Variants in CSGALNACT1 observed in about 807,000 individuals in gnomAD.
CSGALNACT1 encodes beta4GalNAcT-1.
CSGALNACT1 carries 52 observed loss-of-function variants against 51.0 expected under a neutral mutation model. The ratio of observed to expected loss-of-function variants is 1.02; its 90% CI spans 0.82 to 1.29. The LOEUF (loss-of-function observed/expected upper bound fraction) is 1.29, where lower values mean the gene tolerates loss of function less well. Among genes scored for constraint, CSGALNACT1 ranks in the 50% most tolerant of loss-of-function variants. The pLI is 0.00. For synonymous variants in CSGALNACT1, 341 were observed against 254.4 expected (o/e 1.34, Z -3.24); for missense variants, 935 against 679.2 (o/e 1.38, Z -4.19).
At chr8:19,699,753 A>AACACTG (rs1296882801) in intron 1 of CSGALNACT1, among the ~76,000 whole-genome samples, 1 of 152,204 alleles carries the variant, frequency 6.6e-6, no homozygotes. Context: ...TTGCCACTGA[A>AACACTG]TTGTACACTT....
At chr8:19,702,914 C>A (rs1034472380) in intron 1 of CSGALNACT1, among the ~76,000 whole-genome samples, 3 of 152,064 alleles carry the variant, frequency 2.0e-5, no homozygotes, top group Non-Finnish European at 4.4e-5. Flanking sequence ...TAGACCAGGG[C>A]CAATGACTAG....
At chr8:19,460,274 A>AGG (rs1359131907) in intron 4 of CSGALNACT1, among the ~76,000 whole-genome samples, 1 of 152,138 alleles carries the variant, frequency 6.6e-6, no homozygotes, top group Non-Finnish European at 1.5e-5. Flanking sequence ...AGAGAGAGAG[A>AGG]GAAAGAGACC....
intron 3 of CSGALNACT1, among the ~76,000 whole-genome samples, chr8:19,541,482 G>A (rs2085117479): frequency 6.7e-6 from 1 of 149,366 alleles, no homozygotes; most frequent in African/African-American, 2.5e-5. Flanking sequence ...TCGATCTCCT[G>A]ACCTCATGAT....
chr8:19,511,717 T>C (rs1220176795), intron 3 of CSGALNACT1, among the ~76,000 whole-genome samples: 1 of 152,140 alleles, frequency 6.6e-6, no homozygotes, highest in East Asian at 1.9e-4. Context: ...TATTAGTCTG[T>C]TCTCACACTG....
At chr8:19,649,132 C>T (rs989182913) in intron 1 of CSGALNACT1, among the ~76,000 whole-genome samples, 18 of 152,154 alleles carry the variant, frequency 1.2e-4, no homozygotes, top group Admixed American at 5.2e-4. Context: ...TCAATTATTT[C>T]GTTTGTTCCT....
chr8:19,506,255 A>T (rs1333754217), intron 3 of CSGALNACT1, 125 bp from the exon 3 acceptor site: 1 of 371,746 alleles, frequency 2.7e-6, no homozygotes, highest in Admixed American at 3.5e-5. Flanking sequence ...ATAGATGATT[A>T]AATATTGTTA....
chr8:19,542,772 A>T (rs1366523107), intron 3 of CSGALNACT1, among the ~76,000 whole-genome samples: 1 of 152,186 alleles, frequency 6.6e-6, no homozygotes, highest in Non-Finnish European at 1.5e-5. Context: ...CACGCAAAAC[A>T]AAACAAGAAG....
At chr8:19,511,746 G>C (rs1385990744) in intron 3 of CSGALNACT1, among the ~76,000 whole-genome samples, 1 of 152,108 alleles carries the variant, frequency 6.6e-6, no homozygotes, top group Non-Finnish European at 1.5e-5. Context: ...AACTACCTGA[G>C]ACTGGGTAAT....
At chr8:19,538,788 G>GGCCTCCTATCCTGGTTCCGTT (rs1309572554) in intron 3 of CSGALNACT1, among the ~76,000 whole-genome samples, 82 of 152,156 alleles carry the variant, frequency 5.4e-4, no homozygotes, top group African/African-American at 1.9e-3. Context: ...TTATAAAGTA[G>GGCCTCCTATCCTGGTTCCGTT]GCCTCCTATC....
chr8:19,570,241 A>G (rs1168830633), intron 3 of CSGALNACT1, among the ~76,000 whole-genome samples: 1 of 152,196 alleles, frequency 6.6e-6, no homozygotes, highest in Non-Finnish European at 1.5e-5. Flanking sequence ...TAAGAAACAA[A>G]AAGTGTTGGC....
At chr8:19,599,904 C>CA (rs1269344273) in intron 2 of CSGALNACT1, among the ~76,000 whole-genome samples, 40 of 152,350 alleles carry the variant, frequency 2.6e-4, no homozygotes, top group African/African-American at 9.6e-4. Flanking sequence ...ACCCCACACC[C>CA]AGTGCATGCT....
At chr8:19,650,923 A>C (rs1333919291) in intron 1 of CSGALNACT1, among the ~76,000 whole-genome samples, 1 of 152,170 alleles carries the variant, frequency 6.6e-6, no homozygotes, top group Non-Finnish European at 1.5e-5. Context: ...TTAACTGTTC[A>C]AAGTGCTGGA....
chr8:19,679,104 C>T (rs1185284089), intron 1 of CSGALNACT1, among the ~76,000 whole-genome samples: 1 of 152,126 alleles, frequency 6.6e-6, no homozygotes, highest in Non-Finnish European at 1.5e-5. Context: ...CATAATTATT[C>T]TATGTACAGG....
At chr8:19,577,956 G>C (rs950353238) in intron 3 of CSGALNACT1, among the ~76,000 whole-genome samples, 1 of 152,154 alleles carries the variant, frequency 6.6e-6, no homozygotes, top group Non-Finnish European at 1.5e-5. Flanking sequence ...AAAATAAAGA[G>C]ATAGTTGGCA....
intron 3 of CSGALNACT1, among the ~76,000 whole-genome samples, chr8:19,549,095 G>T (rs536233542): frequency 6.6e-6 from 1 of 151,340 alleles, no homozygotes; most frequent in East Asian, 1.9e-4. Flanking sequence ...GGGATTACAC[G>T]CATAAGCCAG....
chr8:19,509,547 G>C lies in CSGALNACT1; in HGVS notation c.-296-3417C>G, dbSNP rs112143362. 2.3e-3 allele frequency among the ~76,000 whole-genome samples: 339 copies of C among 149,152 alleles called. 4 individuals carry two copies. The highest frequency in any genetic ancestry group is 7.8e-3 in the African/African-American group (314 of 40,328). On this transcript the variant is annotated intron_variant, in intron 3 of 9. Coordinates refer to ENST00000454498, the Ensembl canonical transcript of CSGALNACT1. ...TGAGGCACGAGAATCGCTTGAACCC[G>C]GGAGGCAGAGGTTGCAATGAGCTGA...
chr8:19,505,840 A>G lies in CSGALNACT1; in HGVS notation c.-6T>C, dbSNP rs1312603357. On this transcript the variant is annotated 5_prime_UTR_variant, in exon 4 of 10. Coordinates refer to ENST00000454498, the Ensembl canonical transcript of CSGALNACT1. ...CCCCGGCGAACCATCATCATTCAGG[A>G]ATCAGCCATGCGTCCAGAACCGGTG... is the stretch of plus-strand genomic sequence containing the variant. 2.5e-6 allele frequency: 4 copies of G among 1,609,034 alleles called. 1 individual carries two copies. Among genetic ancestry groups the G allele is most frequent in the Admixed American group, 1.7e-5 (1 of 60,014 alleles).
chr8:19,628,207 G>C (rs961035121), intron 1 of CSGALNACT1, among the ~76,000 whole-genome samples: 1 of 152,180 alleles, frequency 6.6e-6, no homozygotes, highest in East Asian at 1.9e-4. Context: ...ATTTACAAAG[G>C]AAAGAGGTTA....
Position 19,661,113 on chromosome 8 carries a change from AC to A in CSGALNACT1, c.-544+21359del, listed in dbSNP as rs367986331. On this transcript the variant is annotated intron_variant, in intron 1 of 9. Transcript: ENST00000332246. ...TTTTTTTTAGTAGAGACGGGATTTCACCATGTTGGCCAGGATGGTCTTGATC... is the reference window on the plus strand; with the variant it reads ...TTTTTTTTAGTAGAGACGGGATTTCACATGTTGGCCAGGATGGTCTTGATC... 3.7e-3 allele frequency among the ~76,000 whole-genome samples: 551 copies of A among 149,534 alleles called. 8 individuals are homozygous for A. The South Asian group carries it at 0.048, about 13-fold the overall frequency.
Sources: gnomAD v4.1 joint callset for allele counts (sites outside exome capture counted in the v4.1 genomes callset) on GRCh38, gnomAD v4.1.1 for gene constraint, MANE v1.5 for transcripts, NCBI Gene and HGNC (gene_info 2026-07-23, HGNC 2026-07-21) for gene names.